Variants in MMUT observed in about 807,000 individuals in gnomAD.
The protein encoded by MMUT is methylmalonyl-CoA mutase.
MMUT carries 79 observed loss-of-function variants against 79.9 expected under a neutral mutation model. That is an observed-to-expected ratio of 0.99 (90% confidence interval 0.82 to 1.19). MMUT has a LOEUF of 1.19. MMUT is among the 50% of genes most tolerant of loss of function. The probability of loss-of-function intolerance (pLI) is 0.00; values close to 1 mark genes in which losing one functional copy is unlikely to be tolerated. For missense variants in MMUT, 860 were observed against 917.2 expected (o/e 0.94, Z 0.81); for synonymous variants, 273 against 295.7 (o/e 0.92, Z 0.79).
intron 8 of MMUT, among the ~76,000 whole-genome samples, chr6:49,447,422 A>C (rs1177503262): frequency 6.6e-6 from 1 of 151,834 alleles, no homozygotes; most frequent in African/African-American, 2.4e-5. Flanking sequence ...AGTTTCACAG[A>C]GGTAGATATC....
In MMUT at chr6:49,435,617, G is replaced by A. The variant is rs541001298; in HGVS notation, c.1963C>T (p.Arg655Cys). ...VDIGPLFQTP[R>C]EVAQQAVDAD... ...TCCACAGCCTGCTGGGCCACTTCAC[G>A]AGGAGTCTAAACAGTCAGAAAGTAA... Residue 655 changes from arginine to cysteine, a missense_variant, in exon 12 of 13, where the codon CGT becomes TGT. Arg to Cys is a radical substitution (Grantham distance 180). Coordinates refer to ENST00000274813, the MANE Select transcript of MMUT (RefSeq NM_000255.4). The A allele has an allele frequency of 3.8e-5, 61 of 1,613,524 alleles. 1 individual carries two copies. In the East Asian group the frequency reaches 1.1e-3, roughly 29 times the overall value.
chr6:49,434,286 A>G (rs971656198), intron 12 of MMUT, among the ~76,000 whole-genome samples: 1 of 152,228 alleles, frequency 6.6e-6, no homozygotes, highest in Non-Finnish European at 1.5e-5. Flanking sequence ...TGTTGATTAT[A>G]TCACATTAAA....
chr6:49,460,993 T>C (rs1323275515), intron 1 of MMUT, among the ~76,000 whole-genome samples: 2 of 152,214 alleles, frequency 1.3e-5, no homozygotes, highest in Non-Finnish European at 2.9e-5. Context: ...ATATATAAAA[T>C]AGATGTTTCC....
intron 11 of MMUT, among the ~76,000 whole-genome samples, chr6:49,436,377 G>T (rs140689275): frequency 1.3e-5 from 2 of 152,010 alleles, no homozygotes; most frequent in African/African-American, 4.8e-5. Flanking sequence ...AGGCAGAGGC[G>T]GGTGGATCAC....
intron 12 of MMUT, among the ~76,000 whole-genome samples, chr6:49,432,791 A>T (rs1767021399): frequency 6.6e-6 from 1 of 152,190 alleles, no homozygotes; most frequent in African/African-American, 2.4e-5. Context: ...TTGTAGCTGC[A>T]ATATCGATTG....
chr6:49,443,799 G>A (rs1438496224), intron 9 of MMUT: 1 of 438,658 alleles, frequency 2.3e-6, no homozygotes, highest in Non-Finnish European at 4.6e-6. Flanking sequence ...CAAATATCGT[G>A]TCTATGGGAA....
rs748225883 is a variant in MMUT, at chr6:49,451,502, T to G, written c.1296A>C (p.Glu432Asp). 33 of 1,613,982 alleles carry G rather than the reference T, an allele frequency of 2.0e-5. No individual in the cohort carries two copies. The highest frequency in any genetic ancestry group is 2.2e-5 in the Non-Finnish European group (26 of 1,180,006). The change falls in exon 6 of 13, where the codon GAA becomes GAC. Residue 432 changes from glutamate (E) to aspartate (D), a missense_variant. Glu to Asp is a conservative substitution (Grantham distance 45). Transcript: ENST00000274813. ...ADPWGGSYMM[E>D]CLTNDVYDAA... ...CATCATAAACATCATTTGTGAGACATTCCATCATGTAAGAACCTCCCCAAG... is the reference window on the plus strand; with the variant it reads ...CATCATAAACATCATTTGTGAGACAGTCCATCATGTAAGAACCTCCCCAAG...
At chr6:49,434,535 AT>A (rs561016246) in intron 12 of MMUT, among the ~76,000 whole-genome samples, 2 of 152,162 alleles carry the variant, frequency 1.3e-5, no homozygotes, top group Non-Finnish European at 2.9e-5. Flanking sequence ...TCTATGAGTC[AT>A]TTACTTACGA....
chr6:49,456,796 AAATCAAAGATTTC>A lies in MMUT; in HGVS notation c.754-572_754-560del, dbSNP rs1271326142. Among the ~76,000 whole-genome samples, 17 of 152,234 alleles carry A rather than the reference AAATCAAAGATTTC, an allele frequency of 1.1e-4. 1 individual carries two copies. Among genetic ancestry groups the A allele is most frequent in the Non-Finnish European group, 2.4e-4 (16 of 68,046 alleles). On this transcript the variant is annotated intron_variant, in intron 3 of 12. Coordinates refer to ENST00000274813, the MANE Select transcript of MMUT (RefSeq NM_000255.4). Reference sequence around the variant, plus strand: ...AATGGGATAAAATGCATGGCTTTAAAAATCAAAGATTTCAGTTTGATTTACTGTGACATTTAAT... The same window carrying A: ...AATGGGATAAAATGCATGGCTTTAAAAGTTTGATTTACTGTGACATTTAAT...
At chr6:49,444,603 T>C (rs1767360346) in intron 9 of MMUT, 36 bp downstream of exon 9, 30 of 1,560,354 alleles carry the variant, frequency 1.9e-5, no homozygotes, top group Non-Finnish European at 2.6e-5. Context: ...GGTCAACTTT[T>C]AGTCTTTGGA....
intron 5 of MMUT, among the ~76,000 whole-genome samples, chr6:49,453,063 C>T (rs1165664055): frequency 2.7e-5 from 3 of 110,918 alleles, no homozygotes; most frequent in African/African-American, 1.0e-4. Flanking sequence ...TTTTTTTAGA[C>T]GTAGTTGTGC....
intron 12 of MMUT, among the ~76,000 whole-genome samples, chr6:49,434,222 T>C (rs953400788): frequency 8.5e-5 from 13 of 152,194 alleles, no homozygotes; most frequent in African/African-American, 3.1e-4. Context: ...TTTTCTCAAA[T>C]AATGACCTAT....
Position 49,440,276 on chromosome 6 carries a change from CT to C in MMUT, c.1885del (p.Arg629GlufsTer19). 1.2e-6 allele frequency: 2 copies of C among 1,614,104 alleles called. No homozygotes were observed. The highest frequency in any genetic ancestry group is 1.7e-6 in the Non-Finnish European group (2 of 1,179,968). ...TCCTGTAGCAATAACTTTTGCTCCT[CT>C]GTCATGGCCATCTTGTCCCATTTTT... is the stretch of plus-strand genomic sequence containing the variant. ...VAKMGQDGHD[R>X]GAKVIATGFA... On this transcript the variant is annotated frameshift_variant, in exon 11 of 13. Coordinates refer to ENST00000274813, the MANE Select transcript of MMUT (RefSeq NM_000255.4). LOFTEE classifies it high-confidence loss of function.
chr6:49,450,479 A>C (rs1319527732), intron 6 of MMUT, among the ~76,000 whole-genome samples: 1 of 152,128 alleles, frequency 6.6e-6, no homozygotes, highest in African/African-American at 2.4e-5. Context: ...ACATCAATAC[A>C]AAAAATAAAG....
chr6:49,449,055 TAAG>T, intron 6 of MMUT, 128 bp from the exon 7 acceptor site: 1 of 528,518 alleles, frequency 1.9e-6, no homozygotes, highest in Non-Finnish European at 3.2e-6. Flanking sequence ...TAATGTTTCA[TAAG>T]AACAGAATTA....
intron 1 of MMUT, among the ~76,000 whole-genome samples, chr6:49,460,059 A>G (rs1402507937): frequency 6.6e-6 from 1 of 152,194 alleles, no homozygotes; most frequent in Non-Finnish European, 1.5e-5. Context: ...TGCACTAGAA[A>G]TACTGGATTA....
rs1286401939 is a variant in MMUT, at chr6:49,444,633, C to G, written c.1676+6G>C. The stretch of plus-strand genomic sequence containing the variant: ...TTTGGAAACCTCCAAACTTATATAT[C>G]TTCACCTTGCCCGAGATGCATCCAC... On this transcript the variant is annotated splice_donor_region_variant and intron_variant, in intron 9 of 12. Coordinates refer to ENST00000274813, the MANE Select transcript of MMUT (RefSeq NM_000255.4). 6.2e-7 allele frequency: 1 copy of G among 1,610,266 alleles called. No individual in the cohort carries two copies. Among genetic ancestry groups the G allele is most frequent in the African/African-American group, 1.3e-5 (1 of 74,772 alleles).
chr6:49,447,873 A>C (rs930646587), intron 7 of MMUT, 88 bp from the exon 8 acceptor site: 1 of 778,034 alleles, frequency 1.3e-6, no homozygotes, highest in Non-Finnish European at 2.2e-6. Flanking sequence ...TATAAATTTA[A>C]TATCTTTAAG....
At chr6:49,450,352 C>T (rs944569111) in intron 6 of MMUT, among the ~76,000 whole-genome samples, 1 of 150,312 alleles carries the variant, frequency 6.7e-6, no homozygotes, top group African/African-American at 2.5e-5. Flanking sequence ...AAAATACTGT[C>T]AAAGAAATAA....
Sources: gnomAD v4.1 joint callset for allele counts (sites outside exome capture counted in the v4.1 genomes callset) on GRCh38, gnomAD v4.1.1 for gene constraint, MANE v1.5 for transcripts, NCBI Gene and HGNC (gene_info 2026-07-23, HGNC 2026-07-21) for gene names.